Variants in RAP1GAP2 observed in about 807,000 individuals in gnomAD.
RAP1GAP2 encodes the protein rap1 GTPase-activating protein 2.
In RAP1GAP2, 27 loss-of-function variants were observed where a neutral mutation model predicts 95.0. The observed-to-expected ratio is 0.28, with a 90% confidence interval of 0.21 to 0.39. RAP1GAP2 has a LOEUF of 0.39. RAP1GAP2 is among the 10% of genes least tolerant of loss of function. The pLI is 1.00. For synonymous variants in RAP1GAP2, 373 were observed against 380.9 expected, an observed-to-expected ratio of 0.98 and a Z score of 0.24; for missense variants, 771 against 970.0, an observed-to-expected ratio of 0.79 and a Z score of 2.72.
At chr17:2,789,540 C>T (rs1043729300) in intron 1 of RAP1GAP2, among the ~76,000 whole-genome samples, 6 of 147,220 alleles carry the variant, frequency 4.1e-5, no homozygotes, top group African/African-American at 1.5e-4. Context: ...GCGGGCAGAT[C>T]ACCTGAGGTC....
upstream of RAP1GAP2, among the ~76,000 whole-genome samples, chr17:2,775,872 A>G (rs1259754244): frequency 6.6e-6 from 1 of 152,128 alleles, no homozygotes; most frequent in African/African-American, 2.4e-5. Flanking sequence ...GGGGATGTCT[A>G]TGGAGTGCAT....
At chr17:2,969,961 A>T (rs2044785261) in intron 8 of RAP1GAP2, among the ~76,000 whole-genome samples, 1 of 151,820 alleles carries the variant, frequency 6.6e-6, no homozygotes, top group African/African-American at 2.4e-5. Flanking sequence ...CATTGCATGG[A>T]TGTGAAATAA....
chr17:2,802,854 G>GT (rs1392240155), intron 2 of RAP1GAP2, among the ~76,000 whole-genome samples: 2 of 152,192 alleles, frequency 1.3e-5, no homozygotes, highest in Non-Finnish European at 2.9e-5. Context: ...GTGTGCATCA[G>GT]TGCAGACCCA....
At chr17:2,952,446 C>T (rs1054771704) in intron 3 of RAP1GAP2, among the ~76,000 whole-genome samples, 12 of 152,124 alleles carry the variant, frequency 7.9e-5, no homozygotes, top group Admixed American at 3.3e-4. Context: ...TGGCATGGCC[C>T]GGATATTGTT....
chr17:2,798,790 A>G (rs2069167543), intron 1 of RAP1GAP2, among the ~76,000 whole-genome samples: 1 of 152,132 alleles, frequency 6.6e-6, no homozygotes, highest in Admixed American at 6.5e-5. Flanking sequence ...CCACACCCTG[A>G]TGTGGGAACT....
chr17:2,837,406 G>A (rs2071180278), intron 2 of RAP1GAP2, among the ~76,000 whole-genome samples: 1 of 152,036 alleles, frequency 6.6e-6, no homozygotes. Context: ...CCCCAGGGGA[G>A]CATCAAGGTA....
At chr17:3,012,649 G>A (rs2046598545) in intron 17 of RAP1GAP2, among the ~76,000 whole-genome samples, 2 of 148,574 alleles carry the variant, frequency 1.3e-5, no homozygotes, top group Admixed American at 6.7e-5. Context: ...AAAGTTTGCA[G>A]TGATCACTCC....
rs1056284749 is a variant in RAP1GAP2 at position 2,945,447 on chromosome 17, T to A, written c.166-12312T>A. On this transcript the variant is annotated intron_variant, in intron 3 of 24. Transcript: ENST00000254695. ...CATCTGACAATAGAGATAGTTTTAC[T>A]GTTTCCTTTCCGTGGTAGATACCTT... is the stretch of plus-strand genomic sequence containing the variant. Among the ~76,000 whole-genome samples the A allele has an allele frequency of 2.6e-5, 4 of 152,190 alleles. No individual in the cohort carries two copies. In the East Asian group the frequency reaches 7.7e-4, roughly 29 times the overall value.
chr17:3,018,236 C>CA, intron 18 of RAP1GAP2, 38 bp downstream of exon 18: 4 of 1,530,430 alleles, frequency 2.6e-6, no homozygotes, highest in Non-Finnish European at 3.5e-6. Flanking sequence ...AAGTGGGTCC[C>CA]AGGGAGGCCC....
upstream of RAP1GAP2, chr17:2,777,029 G>A (rs1283742083): frequency 2.0e-5 from 3 of 152,306 alleles, no homozygotes; most frequent in Non-Finnish European, 4.4e-5. Flanking sequence ...GAATCGGAGC[G>A]TGTGTGGAGT....
At chr17:2,988,837 G>A (rs989108326) in intron 11 of RAP1GAP2, among the ~76,000 whole-genome samples, 61 of 152,276 alleles carry the variant, frequency 4.0e-4, no homozygotes, top group African/African-American at 1.4e-3. Context: ...CGAGGTGGGC[G>A]GATCACGAGG....
intron 2 of RAP1GAP2, among the ~76,000 whole-genome samples, chr17:2,850,798 A>G (rs1336582363): frequency 6.6e-6 from 1 of 150,992 alleles, no homozygotes; most frequent in African/African-American, 2.4e-5. Context: ...GCGATGGCTC[A>G]CACCTGTAAT....
intron 3 of RAP1GAP2, among the ~76,000 whole-genome samples, chr17:2,934,019 G>A (rs575247415): frequency 1.4e-4 from 22 of 152,398 alleles, no homozygotes; most frequent in African/African-American, 5.0e-4. Context: ...AGAGCCTCTT[G>A]CAAATACCCA....
intron 2 of RAP1GAP2, among the ~76,000 whole-genome samples, chr17:2,832,534 G>T (rs545771421): frequency 6.8e-6 from 1 of 147,690 alleles, no homozygotes; most frequent in African/African-American, 2.5e-5. Context: ...CTCCAGCCTG[G>T]GCGACAGAGC....
At chr17:3,017,103 C>T (rs1007696957) in intron 17 of RAP1GAP2, among the ~76,000 whole-genome samples, 3 of 152,116 alleles carry the variant, frequency 2.0e-5, no homozygotes, top group African/African-American at 7.2e-5. Flanking sequence ...AGGAAATCCC[C>T]CCCTGAGGTG....
chr17:2,976,628 G>A (rs2151523632), intron 8 of RAP1GAP2, among the ~76,000 whole-genome samples: 1 of 152,016 alleles, frequency 6.6e-6, no homozygotes, highest in Middle Eastern at 3.4e-3. Flanking sequence ...TGTAGGTCAG[G>A]AAGCTGGAAA....
chr17:2,765,439 A>G (rs1173159827), intron 1 of RAP1GAP2, among the ~76,000 whole-genome samples: 2 of 151,542 alleles, frequency 1.3e-5, no homozygotes, highest in East Asian at 1.9e-4. Flanking sequence ...ACATATTGAG[A>G]CCCTGTTTCT....
intron 17 of RAP1GAP2, among the ~76,000 whole-genome samples, chr17:3,017,118 C>T (rs750193395): frequency 6.6e-6 from 1 of 152,136 alleles, no homozygotes; most frequent in South Asian, 2.1e-4. Context: ...GAGGTGGAGC[C>T]GAGCTCTGCT....
chr17:2,767,101 C>T (rs942881092), intron 1 of RAP1GAP2, among the ~76,000 whole-genome samples: 1 of 151,962 alleles, frequency 6.6e-6, no homozygotes, highest in Non-Finnish European at 1.5e-5. Context: ...TGGTGGCTCA[C>T]GTCTGTAATC....
Sources: allele counts gnomAD v4.1 joint callset (sites outside exome capture counted in the v4.1 genomes callset), GRCh38; gene constraint gnomAD v4.1.1; transcripts MANE v1.5; gene names NCBI Gene and HGNC (gene_info 2026-07-23, HGNC 2026-07-21).